The following TXNL4A variants were observed in gnomAD, a reference collection of about 807,000 sequenced individuals.
TXNL4A encodes the protein thioredoxin like 4A.
Under a neutral mutation model 14.6 loss-of-function variants are expected in TXNL4A, and 17 were observed. That is an observed-to-expected ratio of 1.16 (90% CI 0.80 to 1.74). TXNL4A has a LOEUF of 1.74. TXNL4A is among the 40% of genes most tolerant of loss of function. TXNL4A has a pLI of 0.00. For missense variants in TXNL4A, 74 were observed against 195.2 expected, an observed-to-expected ratio of 0.38 and a Z score of 3.70; for synonymous variants, 83 against 70.6, an observed-to-expected ratio of 1.18 and a Z score of -0.88.
At chr18:80,022,912 C>T (rs1458668727) in intron 1 of TXNL4A, among the ~76,000 whole-genome samples, 2 of 152,152 alleles carry the variant, frequency 1.3e-5, no homozygotes, top group Non-Finnish European at 2.9e-5. Context: ...CCTAGCTTTC[C>T]ACCCTGTTGG....
In TXNL4A at chr18:79,973,595, T is replaced by G. The variant is rs1414697514; in HGVS notation, c.*90A>C. The G allele has an allele frequency of 6.7e-7, 1 of 1,494,830 alleles. No individual in the cohort carries two copies. Among genetic ancestry groups the G allele is most frequent in the African/African-American group, 1.4e-5 (1 of 71,286 alleles). 92.6% of individuals were successfully genotyped at this position (1,494,830 alleles called of 1,614,324 possible). ...CTCAGAGGTGCTCCAGCCCTGGAGC[T>G]TCCTGTATTTTCCAAAGGCTTTAAA... On this transcript the variant is annotated 3_prime_UTR_variant, in exon 3 of 3. Coordinates refer to ENST00000269601, the MANE Select transcript of TXNL4A (RefSeq NM_006701.5).
At chr18:80,015,822 A>T (rs1599750891) in intron 1 of TXNL4A, among the ~76,000 whole-genome samples, 1 of 147,188 alleles carries the variant, frequency 6.8e-6, no homozygotes, top group South Asian at 2.2e-4. Context: ...CAATAAACAT[A>T]TGTGTGCATG....
chr18:80,003,792 T>C (rs922176330), intron 1 of TXNL4A, among the ~76,000 whole-genome samples: 4 of 152,162 alleles, frequency 2.6e-5, no homozygotes, highest in Admixed American at 6.5e-5. Flanking sequence ...TCAGGAAATT[T>C]ACAATCAATG....
intron 1 of TXNL4A, among the ~76,000 whole-genome samples, chr18:80,029,852 G>A (rs1465820568): frequency 6.6e-6 from 1 of 151,998 alleles, no homozygotes; most frequent in Non-Finnish European, 1.5e-5. Flanking sequence ...TTGCAACATT[G>A]TGAGGGACTT....
chr18:79,971,456 T>G lies in TXNL4A; in HGVS notation c.*2229A>C, dbSNP rs967451308. On this transcript the variant is annotated 3_prime_UTR_variant, in exon 3 of 3. Coordinates refer to ENST00000269601, the MANE Select transcript of TXNL4A (RefSeq NM_006701.5). ...GATCCTCCTGCCTCAGCCCGCCGAGTAGCTGGGCCCACAGGCACGCACCAC... is the reference window on the plus strand; with the variant it reads ...GATCCTCCTGCCTCAGCCCGCCGAGGAGCTGGGCCCACAGGCACGCACCAC... 12 of 152,218 alleles carry G rather than the reference T, an allele frequency of 7.9e-5. No individual in the cohort carries two copies. Among genetic ancestry groups the G allele is most frequent in the African/African-American group, 2.7e-4 (11 of 41,404 alleles). The allele number at this position is 152,218 out of a possible 1,614,324, so 9.4% of individuals were successfully genotyped here. A position where few individuals can be genotyped will look rare whatever the true frequency, so the allele number is the denominator to read the frequency against.
At chr18:80,027,226 A>G (rs928801925) in intron 1 of TXNL4A, among the ~76,000 whole-genome samples, 2 of 152,104 alleles carry the variant, frequency 1.3e-5, no homozygotes, top group African/African-American at 2.4e-5. Context: ...GAAGCCATAG[A>G]TGGAATCGCC....
chr18:79,988,636 G>A, upstream of TXNL4A: 1 of 343,354 alleles, frequency 2.9e-6, no homozygotes, highest in Admixed American at 4.9e-5. Context: ...CTGACGGCAT[G>A]TGCGTATAGG....
chr18:79,993,386 C>G (rs2051640507), upstream of TXNL4A, among the ~76,000 whole-genome samples: 1 of 152,026 alleles, frequency 6.6e-6, no homozygotes, highest in South Asian at 2.1e-4. This position sits in a 1 kb window ranked among gnomAD's most constrained non-coding sequence, Gnocchi z 4.4. Flanking sequence ...GGCAGCCTGT[C>G]TGCTGCTGCA....
chr18:80,024,553 C>T lies in TXNL4A; in HGVS notation c.-61+9298G>A, dbSNP rs182506956. Among the ~76,000 whole-genome samples, 28 of 152,284 alleles carry T rather than the reference C, an allele frequency of 1.8e-4. No homozygotes were observed. The Middle Eastern group carries it at 0.014, about 74-fold the overall frequency. On this transcript the variant is annotated intron_variant, in intron 1 of 2. Transcript: ENST00000585474. The stretch of plus-strand genomic sequence containing the variant: ...CAACTCTGAACCCTCTAGCTCATGA[C>T]TGTGGAATCTTCCATGCTGGAGAAA...
chr18:80,004,764 A>G (rs1238471336), intron 1 of TXNL4A, among the ~76,000 whole-genome samples: 1 of 152,202 alleles, frequency 6.6e-6, no homozygotes, highest in Non-Finnish European at 1.5e-5. Flanking sequence ...GCAGAGTCCC[A>G]AGAAACCACA....
upstream of TXNL4A, chr18:79,988,567 C>T (rs1428300933): frequency 6.6e-6 from 4 of 603,690 alleles, no homozygotes; most frequent in Non-Finnish European, 9.6e-6. Flanking sequence ...AACGTCTGGG[C>T]GCGCACGCAC....
chr18:80,012,394 A>G (rs1363830755), intron 1 of TXNL4A, among the ~76,000 whole-genome samples: 1 of 152,194 alleles, frequency 6.6e-6, no homozygotes, highest in African/African-American at 2.4e-5. Context: ...TTACCTGACA[A>G]TGCTACCGTG....
At chr18:79,989,563 A>G (rs923528805), upstream of TXNL4A, among the ~76,000 whole-genome samples, 7 of 152,234 alleles carry the variant, frequency 4.6e-5, no homozygotes, top group Non-Finnish European at 1.0e-4. Flanking sequence ...TCTTTTTAAA[A>G]TAAAACCTCT....
chr18:79,991,132 T>G (rs1313540670), upstream of TXNL4A, among the ~76,000 whole-genome samples: 1 of 149,406 alleles, frequency 6.7e-6, no homozygotes, highest in Non-Finnish European at 1.5e-5. Flanking sequence ...AAAAAAACTT[T>G]TGTTGAGATC....
chr18:80,008,108 C>T (rs1282312052), intron 1 of TXNL4A, among the ~76,000 whole-genome samples: 2 of 152,168 alleles, frequency 1.3e-5, no homozygotes, highest in Admixed American at 6.5e-5. Context: ...GCCGTGACTG[C>T]ACCTCTGCAC....
At chr18:80,004,708 C>T (rs559462767) in intron 1 of TXNL4A, among the ~76,000 whole-genome samples, 4 of 152,168 alleles carry the variant, frequency 2.6e-5, no homozygotes, top group South Asian at 2.1e-4. Flanking sequence ...TGAATGTGCA[C>T]GCTCTGAGAA....
At chr18:79,991,442 C>A (rs886390862), upstream of TXNL4A, among the ~76,000 whole-genome samples, 13 of 151,740 alleles carry the variant, frequency 8.6e-5, no homozygotes, top group Non-Finnish European at 1.6e-4. Context: ...TTGTAGCAGA[C>A]ATCAACAGCT....
At position 80,018,063 on chromosome 18, in the gene TXNL4A, G is replaced by T. The variant is rs565435020; in HGVS notation, c.-61+15788C>A. On this transcript the variant is annotated intron_variant, in intron 1 of 2. Coordinates refer to the TXNL4A transcript ENST00000585474. The stretch of plus-strand genomic sequence containing the variant: ...AGATCCTGTTATTGGTCTATTCAGA[G>T]ATTCAACTTCTTCCTGGTTTAGTCT... Among the ~76,000 whole-genome samples the T allele has an allele frequency of 6.9e-4, 105 of 152,182 alleles. 1 individual carries two copies. The highest frequency in any genetic ancestry group is 2.5e-3 in the African/African-American group (105 of 41,506).
At chr18:80,016,851 T>C (rs1164505667) in intron 1 of TXNL4A, among the ~76,000 whole-genome samples, 7 of 150,406 alleles carry the variant, frequency 4.7e-5, no homozygotes, top group African/African-American at 1.7e-4. Flanking sequence ...TGCGGGCTCT[T>C]TTTTGGTTCC....
Sources: gnomAD v4.1 joint callset for allele counts (sites outside exome capture counted in the v4.1 genomes callset) on GRCh38, gnomAD v4.1.1 for gene constraint, Gnocchi (gnomAD v3.1) non-coding constraint, MANE v1.5 for transcripts, NCBI Gene and HGNC (gene_info 2026-07-23, HGNC 2026-07-21) for gene names.